PPP2R5E: variants seen among roughly 807,000 people sequenced by gnomAD.
The protein encoded by PPP2R5E is serine/threonine-protein phosphatase 2A 56 kDa regulatory subunit epsilon isoform.
Under a neutral mutation model 65.3 loss-of-function variants are expected in PPP2R5E, and 4 were observed. The observed-to-expected ratio is 0.06, with a 90% CI of 0.03 to 0.14. The LOEUF is 0.14. Among genes scored for constraint, PPP2R5E ranks in the 10% least tolerant of loss-of-function variants. The pLI is 1.00. For missense variants in PPP2R5E, 274 were observed against 556.1 expected, an observed-to-expected ratio of 0.49 and a Z score of 5.10; for synonymous variants, 183 against 187.4, an observed-to-expected ratio of 0.98 and a Z score of 0.19.
At chr14:63,492,547 A>G (rs1242010264) in intron 2 of PPP2R5E, among the ~76,000 whole-genome samples, 1 of 152,188 alleles carries the variant, frequency 6.6e-6, no homozygotes, top group Admixed American at 6.5e-5. Context: ...TGACATTTTA[A>G]AAGGATCTGA....
At chr14:63,503,507 C>T (rs140453805) in intron 2 of PPP2R5E, among the ~76,000 whole-genome samples, 2 of 152,102 alleles carry the variant, frequency 1.3e-5, no homozygotes, top group Non-Finnish European at 2.9e-5. Context: ...TCAGGTGATT[C>T]CTATGCCCAC....
intron 3 of PPP2R5E, among the ~76,000 whole-genome samples, chr14:63,430,190 T>C (rs1887560635): frequency 6.6e-6 from 1 of 152,204 alleles, no homozygotes; most frequent in African/African-American, 2.4e-5. Context: ...CCTAAGACTA[T>C]TTTCAAACAG....
chr14:63,526,694 C>T (rs1342091320), intron 2 of PPP2R5E, among the ~76,000 whole-genome samples: 3 of 152,060 alleles, frequency 2.0e-5, no homozygotes, highest in Non-Finnish European at 4.4e-5. Context: ...GTAGCTGGGA[C>T]GACAGGAGCA....
intron 2 of PPP2R5E, among the ~76,000 whole-genome samples, chr14:63,525,051 G>A (rs1388072766): frequency 1.3e-5 from 2 of 152,196 alleles, no homozygotes; most frequent in Non-Finnish European, 2.9e-5. Context: ...CTCTCTGCAC[G>A]AGTGGGCAAG....
chr14:63,408,952 C>T (rs1419055876), intron 5 of PPP2R5E, among the ~76,000 whole-genome samples: 1 of 152,032 alleles, frequency 6.6e-6, no homozygotes, highest in Non-Finnish European at 1.5e-5. Flanking sequence ...AAAATTAGGG[C>T]CGGGCTTGGT....
intron 3 of PPP2R5E, among the ~76,000 whole-genome samples, chr14:63,423,118 G>A (rs939937666): frequency 8.5e-5 from 13 of 152,102 alleles, no homozygotes; most frequent in South Asian, 2.1e-4. Flanking sequence ...TTTTTGAGAC[G>A]GAGTCTCGCT....
intron 13 of PPP2R5E, among the ~76,000 whole-genome samples, chr14:63,378,096 T>A (rs1219841399): frequency 6.6e-6 from 1 of 152,144 alleles, no homozygotes; most frequent in East Asian, 1.9e-4. Flanking sequence ...CTCAGTACAG[T>A]CTGGGAATAA....
At chr14:63,401,607 G>GT (rs1205634735) in intron 5 of PPP2R5E, among the ~76,000 whole-genome samples, 1 of 152,172 alleles carries the variant, frequency 6.6e-6, no homozygotes, top group Non-Finnish European at 1.5e-5. Context: ...AAAAAGGGCT[G>GT]TAAGGGTCTT....
At chr14:63,440,948 CAAA>C (rs374563795) in intron 3 of PPP2R5E, among the ~76,000 whole-genome samples, 3,341 of 67,606 alleles carry the variant, frequency 0.049, 179 homozygotes, top group African/African-American at 0.16. Flanking sequence ...GACTCCATCT[CAAA>C]AAAAAAAAAA....
intron 2 of PPP2R5E, among the ~76,000 whole-genome samples, chr14:63,523,798 C>A (rs571589583): frequency 8.6e-5 from 13 of 150,824 alleles, no homozygotes; most frequent in Non-Finnish European, 1.9e-4. Flanking sequence ...AGCCTTCTTA[C>A]CCTCAAAAAA....
Position 63,543,363 on chromosome 14 carries a change from A to G in PPP2R5E, c.-592T>C, listed in dbSNP as rs1302682063. 6.5e-6 allele frequency: 1 copy of G among 153,156 alleles called. No homozygotes were observed. The highest frequency in any genetic ancestry group is 1.5e-5 in the Non-Finnish European group (1 of 68,528). 9.5% of individuals were successfully genotyped at this position (153,156 alleles called of 1,614,324 possible). A position where few individuals can be genotyped will look rare whatever the true frequency, so the allele number is the denominator to read the frequency against. On this transcript the variant is annotated 5_prime_UTR_variant, in exon 1 of 14. Transcript: ENST00000337537. ...TGAGTCCATGGCACACGCGCAACCG[A>G]ACCTTCTGGCCAGCAGCGCCCGCCT...
chr14:63,469,240 G>A (rs1016899808), intron 2 of PPP2R5E, among the ~76,000 whole-genome samples: 2 of 152,040 alleles, frequency 1.3e-5, no homozygotes, highest in African/African-American at 4.8e-5. Context: ...TGACCATATA[G>A]ATAAATATAA....
Position 63,374,259 on chromosome 14 carries a change from A to G in PPP2R5E, c.*1750T>C, listed in dbSNP as rs1883854666. On this transcript the variant is annotated 3_prime_UTR_variant, in exon 14 of 14. Transcript: ENST00000337537. ...GCTTCTCTTTCTTTTTCTTGAAAAT[A>G]ATAAAACTGCGTATTCTACTTTATA... 6.6e-6 allele frequency: 1 copy of G among 152,068 alleles called. No individual in the cohort carries two copies. The highest frequency in any genetic ancestry group is 6.6e-5 in the Admixed American group (1 of 15,264). 9.4% of individuals were successfully genotyped at this position (152,068 alleles called of 1,614,324 possible).
At chr14:63,403,325 T>C (rs1039384391) in intron 5 of PPP2R5E, among the ~76,000 whole-genome samples, 2 of 147,376 alleles carry the variant, frequency 1.4e-5, no homozygotes, top group East Asian at 2.0e-4. Flanking sequence ...CAGCTGGAAG[T>C]TGCAGTGAGC....
At chr14:63,451,634 G>A (rs1474709477) in intron 3 of PPP2R5E, 2 of 152,160 alleles carry the variant, frequency 1.3e-5, no homozygotes, top group African/African-American at 2.4e-5. Context: ...CTATAATGGT[G>A]GATACATGTC....
intron 4 of PPP2R5E, among the ~76,000 whole-genome samples, chr14:63,418,191 G>A (rs1886806321): frequency 6.6e-6 from 1 of 152,076 alleles, no homozygotes; most frequent in African/African-American, 2.4e-5. Flanking sequence ...ACACTCATCT[G>A]TCAACTCTCA....
In PPP2R5E at chr14:63,422,729, TAAAAAAAAAAAAAAAAAA is replaced by T. The variant is rs567590182; in HGVS notation, c.355-653_355-636del. Reference sequence around the variant, plus strand: ...ATGAAAGAGCGAGACTCCGTCTATTTAAAAAAAAAAAAAAAAAAAAAAAAAAAAAACTGGTAATGGGCT... The same window carrying T: ...ATGAAAGAGCGAGACTCCGTCTATTTAAAAAAAAAAAACTGGTAATGGGCT... On this transcript the variant is annotated intron_variant, in intron 3 of 13. Coordinates refer to ENST00000337537, the MANE Select transcript of PPP2R5E (RefSeq NM_006246.5). Among the ~76,000 whole-genome samples the T allele has an allele frequency of 6.1e-3, 536 of 88,268 alleles. 3 individuals carry two copies. Among genetic ancestry groups the T allele is most frequent in the African/African-American group, 0.02 (505 of 25,292 alleles). 57.9% of individuals were successfully genotyped at this position (88,268 alleles called of 152,430 possible).
rs1231006200 is a variant in PPP2R5E at position 63,383,308 on chromosome 14, T to C, written c.1202+1136A>G. ...TGGTAAAAATTAGCCATATATTAAA[T>C]AAACCATGAGTCTGATGTTTCCAAA... On this transcript the variant is annotated intron_variant, in intron 12 of 13. Coordinates refer to ENST00000337537, the MANE Select transcript of PPP2R5E (RefSeq NM_006246.5). Among the ~76,000 whole-genome samples the C allele has an allele frequency of 2.6e-5, 4 of 152,362 alleles. No individual in the cohort carries two copies. The South Asian group carries it at 6.2e-4, about 24-fold the overall frequency.
intron 2 of PPP2R5E, among the ~76,000 whole-genome samples, chr14:63,471,849 T>C (rs1382802735): frequency 2.0e-5 from 3 of 152,210 alleles, no homozygotes; most frequent in African/African-American, 4.8e-5. Flanking sequence ...AGGGACCATC[T>C]GGAAGGGTTA....
Sources: allele counts gnomAD v4.1 joint callset (sites outside exome capture counted in the v4.1 genomes callset), GRCh38; gene constraint gnomAD v4.1.1; transcripts MANE v1.5; gene names NCBI Gene and HGNC (gene_info 2026-07-23, HGNC 2026-07-21).